Variants in OAT observed in about 807,000 individuals in gnomAD.
OAT encodes ornithine aminotransferase, also known as ornithine aminotransferase, mitochondrial.
OAT carries 35 observed loss-of-function variants against 48.4 expected under a neutral mutation model. The ratio of observed to expected loss-of-function variants is 0.72; its 90% CI spans 0.55 to 0.96. OAT has a LOEUF of 0.96. OAT is among the 40% of genes least tolerant of loss of function. The pLI is 0.00. For missense variants in OAT, 438 were observed against 537.9 expected (o/e 0.81, Z 1.84); for synonymous variants, 182 against 198.4 (o/e 0.92, Z 0.70).
chr10:124,405,588 TTATTTCAAAGAAACCCAA>T (rs768951986), intron 4 of OAT, 25 bp from the exon 5 acceptor site: 1 of 1,612,684 alleles, frequency 6.2e-7, no homozygotes, highest in South Asian at 1.1e-5. Context: ...CAAACAGTGA[TTATTTCAAAGAAACCCAA>T]AATTCAATAA....
chr10:124,406,652 C>A (rs1589707237), intron 4 of OAT, among the ~76,000 whole-genome samples: 1 of 151,722 alleles, frequency 6.6e-6, no homozygotes, highest in African/African-American at 2.4e-5. Flanking sequence ...CCTGTCTCTA[C>A]TAAAAATACA....
At position 124,398,060 on chromosome 10, in the gene OAT, C is replaced by T. The variant is rs761045816; in HGVS notation, c.1202G>A (p.Gly401Glu). The change falls in exon 10 of 10, where the codon GGA becomes GAA. Residue 401 changes from glycine (G) to glutamate (E), a missense_variant. Physicochemically the swap from Gly to Glu is moderately conservative, Grantham distance 98. Transcript: ENST00000368845. ...WKVCLRLRDN[G>E]LLAKPTHGDI... ...GCCATGGGTTGGCTTGGCCAGAAGT[C>T]CATTATCTCGAAGTCGTAGACACAC... The T allele has an allele frequency of 3.7e-6, 6 of 1,613,984 alleles. No individual in the cohort carries two copies. The African/African-American group carries it at 5.3e-5, about 14-fold the overall frequency.
At chr10:124,402,849 AATCAGTT>A (rs1385394284) in intron 7 of OAT, 71 bp downstream of exon 7, 1 of 1,563,712 alleles carries the variant, frequency 6.4e-7, no homozygotes, top group Non-Finnish European at 8.8e-7. Context: ...TTGTTGTCAC[AATCAGTT>A]GATGTATAAA....
At chr10:124,414,991 G>A (rs1173261937) in intron 1 of OAT, 3 of 135,940 alleles carry the variant, frequency 2.2e-5, no homozygotes, top group Non-Finnish European at 3.1e-5. Flanking sequence ...GACTAAGGTG[G>A]AAAGATCTCT....
rs180742877 is a variant in OAT, at chr10:124,408,094, T to C, written c.520+448A>G. Among the ~76,000 whole-genome samples the C allele has an allele frequency of 3.2e-3, 485 of 151,944 alleles. 11 individuals carry two copies. Among genetic ancestry groups the C allele is most frequent in the Non-Finnish European group, 5.0e-4 (34 of 67,964 alleles). On this transcript the variant is annotated intron_variant, in intron 4 of 9. Transcript: ENST00000368845. ...ATCTGACAGGCAAATGAGAGGAATA[T>C]GGAGTTCAGAAAGAAAAATCTCATA...
Position 124,400,906 on chromosome 10 carries a change from A to G in OAT, c.1093T>C (p.Ser365Pro), listed in dbSNP as rs775584182. The G allele has an allele frequency of 6.2e-7, 1 of 1,607,972 alleles. No homozygotes were observed. The highest frequency in any genetic ancestry group is 1.1e-5 in the South Asian group (1 of 90,872). Residue 365 changes from serine (S) to proline (P), a missense_variant, in exon 9 of 10, where the codon TCT becomes CCT. Ser to Pro is a moderately conservative substitution (Grantham distance 74, BLOSUM62 -1). Transcript: ENST00000368845. ...CCTCTTACGGCAGTTACAACATCAG[A>G]AGGTAGCTTCATGAGTTCATTTCTC... ...ILRNELMKLP[S>P]DVVTAVRGKG...
intron 2 of OAT, 88 bp downstream of exon 2, chr10:124,411,885 A>G (rs972324411): frequency 2.0e-5 from 23 of 1,165,196 alleles, no homozygotes; most frequent in Non-Finnish European, 2.6e-5. Flanking sequence ...ACACATCTAG[A>G]AAAATGTATA....
At chr10:124,408,692 T>C (rs1362683581) in intron 3 of OAT, 49 bp downstream of exon 3, 12 of 1,582,708 alleles carry the variant, frequency 7.6e-6, no homozygotes, top group Non-Finnish European at 1.0e-5. Flanking sequence ...TATCAAAAAA[T>C]AAAAAGATTA....
intron 6 of OAT, among the ~76,000 whole-genome samples, chr10:124,403,531 G>A (rs1330913081): frequency 6.6e-6 from 1 of 152,196 alleles, no homozygotes; most frequent in Non-Finnish European, 1.5e-5. Flanking sequence ...AGCGAGGAAG[G>A]AAACGCTGTT....
In OAT at chr10:124,403,070, A is replaced by G. The variant is rs1951461094; in HGVS notation, c.772-15T>C. Reference sequence around the variant, plus strand: ...ATAAAGAGAACCTATTGGGGAAAAAAAATACCCCTATTAGTGATCACTTTC... The same window carrying G: ...ATAAAGAGAACCTATTGGGGAAAAAGAATACCCCTATTAGTGATCACTTTC... On this transcript the variant is annotated splice_polypyrimidine_tract_variant and intron_variant, in intron 6 of 9. Transcript: ENST00000368845. The G allele has an allele frequency of 1.2e-6, 2 of 1,613,532 alleles. No individual in the cohort carries two copies. The highest frequency in any genetic ancestry group is 2.7e-5 in the African/African-American group (2 of 74,936).
chr10:124,407,812 C>T (rs2807071), intron 4 of OAT, among the ~76,000 whole-genome samples: 131,652 of 152,184 alleles, frequency 0.87, 57,065 homozygotes, highest in East Asian at 0.96. Context: ...ATCTTCTCAA[C>T]TAATTGCTAG....
In OAT at chr10:124,403,926, G is replaced by C. The variant is rs772402093; in HGVS notation, c.649-6C>G. ...TTTGGATCCTGAAGAGCACGCTACAGAAGAAACAGGAATAAGTTTTAATAA... is the reference window on the plus strand; with the variant it reads ...TTTGGATCCTGAAGAGCACGCTACACAAGAAACAGGAATAAGTTTTAATAA... On this transcript the variant is annotated splice_polypyrimidine_tract_variant and splice_region_variant and intron_variant, in intron 5 of 9. Transcript: ENST00000368845. 1 of 1,614,018 alleles carries C rather than the reference G, an allele frequency of 6.2e-7. No homozygotes were observed. Among genetic ancestry groups the C allele is most frequent in the South Asian group, 1.1e-5 (1 of 91,074 alleles).
In OAT at chr10:124,401,778, G is replaced by T; in HGVS notation, c.962C>A (p.Ser321Tyr). The T allele has an allele frequency of 2.5e-6, 4 of 1,613,278 alleles. No individual in the cohort carries two copies. Among genetic ancestry groups the T allele is most frequent in the Non-Finnish European group, 3.4e-6 (4 of 1,179,830 alleles). Reference sequence around the variant, plus strand: ...GCCTAGTGGATTGCCACCGTATGTGGACCCATGCTCCCCTGGCTTAATGGT... The same window carrying T: ...GCCTAGTGGATTGCCACCGTATGTGTACCCATGCTCCCCTGGCTTAATGGT... ...MLTIKPGEHG[S>Y]TYGGNPLGCR... Residue 321 changes from serine (S) to tyrosine (Y), a missense_variant, in exon 8 of 10, where the codon TCC (serine) becomes TAC (tyrosine). Coordinates refer to ENST00000368845, the MANE Select transcript of OAT (RefSeq NM_000274.4).
chr10:124,414,651 A>G (rs1951861384), intron 1 of OAT, among the ~76,000 whole-genome samples: 1 of 152,192 alleles, frequency 6.6e-6, no homozygotes, highest in African/African-American at 2.4e-5. Flanking sequence ...CTCATGTATG[A>G]TTTCTTTCTT....
chr10:124,405,765 G>A, intron 4 of OAT: 1 of 1,370,960 alleles, frequency 7.3e-7, no homozygotes, highest in South Asian at 1.5e-5. Context: ...ACTAAGTCTG[G>A]CCTTGTAATT....
chr10:124,403,336 A>G, intron 6 of OAT: 1 of 517,288 alleles, frequency 1.9e-6, no homozygotes, highest in Non-Finnish European at 3.5e-6. Flanking sequence ...AGGGTTTTGT[A>G]TGGCTTTTCT....
At chr10:124,413,267 TACACACACACACACAC>T (rs58272470) in intron 1 of OAT, among the ~76,000 whole-genome samples, 5 of 134,578 alleles carry the variant, frequency 3.7e-5, no homozygotes, top group African/African-American at 5.3e-5. Context: ...CATAAATACA[TACACACACACACACAC>T]ACACACACAC....
At chr10:124,415,068 A>AGGCG in intron 1 of OAT, 1 of 18,118 alleles carries the variant, frequency 5.5e-5, no homozygotes, top group Non-Finnish European at 9.1e-5. Context: ...CTGGGCTACA[A>AGGCG]AGCGCTAAAA....
At position 124,408,809 on chromosome 10, in the gene OAT, A is replaced by G. The variant is rs1332887032; in HGVS notation, c.356T>C (p.Val119Ala). The change falls in exon 3 of 10, where the codon GTA becomes GCA. Residue 119 changes from valine to alanine, a missense_variant. Transcript: ENST00000368845. ...TLTSRAFYNNVLGEYEEYITK... is the reference protein window; with the variant it reads ...TLTSRAFYNNALGEYEEYITK... ...AATATACTCCTCATATTCACCAAGT[A>G]CGTTATTATAGAAAGCTCTAGATGT... The G allele has an allele frequency of 6.2e-7, 1 of 1,612,408 alleles. No homozygotes were observed. The highest frequency in any genetic ancestry group is 8.5e-7 in the Non-Finnish European group (1 of 1,179,858).
Sources: gnomAD v4.1 joint callset for allele counts (sites outside exome capture counted in the v4.1 genomes callset) on GRCh38, gnomAD v4.1.1 for gene constraint, MANE v1.5 for transcripts, NCBI Gene and HGNC (gene_info 2026-07-23, HGNC 2026-07-21) for gene names.